HPX: variants seen among roughly 807,000 people sequenced by gnomAD.
HPX encodes the protein hemopexin.
HPX carries 42 observed loss-of-function variants against 53.8 expected under a neutral mutation model. The observed-to-expected ratio is 0.78, with a 90% CI of 0.61 to 1.01. The LOEUF is 1.01. Among genes scored for constraint, HPX ranks in the 50% least tolerant of loss-of-function variants. The pLI, the probability that HPX is intolerant of heterozygous loss-of-function variation, is 0.00. For missense variants in HPX, 547 were observed against 594.3 expected (o/e 0.92, Z 0.83); for synonymous variants, 229 against 221.1 (o/e 1.04, Z -0.32).
rs71056749 is a variant in HPX, at chr11:6,440,567, T to TAAAAAAA, written c.143-36_143-30dup. The TAAAAAAA allele has an allele frequency of 5.9e-5, 35 of 591,190 alleles. 1 individual carries two copies. In the African/African-American group the frequency reaches 6.2e-4, roughly 10 times the overall value. The allele number at this position is 591,190 out of a possible 1,614,324, so 36.6% of individuals were successfully genotyped here. A position where few individuals can be genotyped will look rare whatever the true frequency, so the allele number is the denominator to read the frequency against. On this transcript the variant is annotated intron_variant, in intron 2 of 9. Transcript: ENST00000265983. ...GGGTGGAGGTAGGGAGATGGCAAAGTAAAAAAAAAAAAAAAAAAAAAAAAA... is the reference window on the plus strand; with the variant it reads ...GGGTGGAGGTAGGGAGATGGCAAAGTAAAAAAAAAAAAAAAAAAAAAAAAAAAAAAAA...
intron 4 of HPX, 88 bp downstream of exon 4, chr11:6,440,077 G>C (rs1849463438): frequency 6.5e-7 from 1 of 1,538,080 alleles, no homozygotes; most frequent in African/African-American, 1.4e-5. Context: ...TATTGCTATG[G>C]GCTCCATGCC....
chr11:6,433,448 A>C (rs992610788), intron 7 of HPX, among the ~76,000 whole-genome samples: 2 of 152,210 alleles, frequency 1.3e-5, no homozygotes, highest in African/African-American at 4.8e-5. Context: ...AAGTGCTAGG[A>C]TTACAGGCGT....
chr11:6,437,018 C>A (rs759820530), intron 7 of HPX, 28 bp downstream of exon 7: 1 of 1,611,620 alleles, frequency 6.2e-7, no homozygotes, highest in South Asian at 1.1e-5. Flanking sequence ...TGTGAGAGCA[C>A]ATTGGGGGAG....
intron 7 of HPX, chr11:6,432,280 A>G: frequency 3.9e-6 from 2 of 515,492 alleles, no homozygotes; most frequent in South Asian, 4.4e-5. Context: ...TAAGGCCAAC[A>G]TCATGGGGTT....
In HPX at chr11:6,437,195, T is replaced by G. The variant is rs775560711; in HGVS notation, c.704-18A>C. The G allele has an allele frequency of 6.2e-7, 1 of 1,608,092 alleles. No individual in the cohort carries two copies. The highest frequency in any genetic ancestry group is 1.1e-5 in the South Asian group (1 of 90,480). On this transcript the variant is annotated intron_variant, in intron 6 of 9. Transcript: ENST00000265983. ...TCCATGGCCTGGAGAGAGAAATGGG[T>G]GAGGAGAACACAGAAGGAGGCCAGA...
At chr11:6,435,369 T>C (rs1849402230) in intron 7 of HPX, among the ~76,000 whole-genome samples, 1 of 152,150 alleles carries the variant, frequency 6.6e-6, no homozygotes, top group South Asian at 2.1e-4. Flanking sequence ...AGCTGGGTCA[T>C]GTTGGTGATT....
At position 6,440,567 on chromosome 11, in the gene HPX, TAAAAAAAAAAAAAAAAA is replaced by T. The variant is rs71056749; in HGVS notation, c.143-46_143-30del. On this transcript the variant is annotated intron_variant, in intron 2 of 9. Coordinates refer to ENST00000265983, the MANE Select transcript of HPX (RefSeq NM_000613.3). ...GGGTGGAGGTAGGGAGATGGCAAAG[TAAAAAAAAAAAAAAAAA>T]AAAAAAAAAAAAAAAAAAACCAGAA... 5.4e-4 allele frequency: 321 copies of T among 590,732 alleles called. 5 individuals carry two copies. Among genetic ancestry groups the T allele is most frequent in the Middle Eastern group, 9.7e-4 (2 of 2,054 alleles). The allele number at this position is 590,732 out of a possible 1,614,324, so 36.6% of individuals were successfully genotyped here. A position where few individuals can be genotyped will look rare whatever the true frequency, so the allele number is the denominator to read the frequency against.
chr11:6,433,188 T>C (rs767547332), intron 7 of HPX, among the ~76,000 whole-genome samples: 7 of 152,350 alleles, frequency 4.6e-5, no homozygotes, highest in African/African-American at 1.2e-4. Flanking sequence ...TTCATTCATT[T>C]ATTTAGAGAC....
At chr11:6,438,729 C>G (rs1038352518) in intron 4 of HPX, among the ~76,000 whole-genome samples, 26 of 152,208 alleles carry the variant, frequency 1.7e-4, no homozygotes, top group African/African-American at 6.3e-4. Flanking sequence ...GCCTCTAGCT[C>G]TGTACCCAGA....
Position 6,432,037 on chromosome 11 carries a change from G to C in HPX, c.836-20C>G. 6.2e-7 allele frequency: 1 copy of C among 1,613,630 alleles called. No homozygotes were observed. The highest frequency in any genetic ancestry group is 8.5e-7 in the Non-Finnish European group (1 of 1,179,790). The stretch of plus-strand genomic sequence containing the variant: ...GGGTCCCTGTGGAATACCATAGGTT[G>C]CTCTAGGGCCGCTGGCAGAAGCCCA... On this transcript the variant is annotated intron_variant, in intron 7 of 9. Transcript: ENST00000265983.
intron 5 of HPX, chr11:6,438,084 T>A: frequency 1.9e-6 from 1 of 528,180 alleles, no homozygotes; most frequent in Non-Finnish European, 3.4e-6. Context: ...GAGAGACTTG[T>A]ATGTAAGACT....
Position 6,431,394 on chromosome 11 carries a change from C to T in HPX, c.1206G>A (p.Lys402=). 2 of 1,614,260 alleles carry T rather than the reference C, an allele frequency of 1.2e-6. No individual in the cohort carries two copies. The highest frequency in any genetic ancestry group is 1.7e-6 in the Non-Finnish European group (2 of 1,180,050). ...TTTCCATACACAAGGCTCCGTCTAC[C>T]TTCTCATGGGGCCAAGGAAGCTCTG... The part of the protein sequence containing the change: ...TWTELPWPHE[K]VDGALCMEKS... Residue 402 remains lysine, a synonymous_variant, in exon 10 of 10, where the codon AAG becomes AAA. Coordinates refer to ENST00000265983, the MANE Select transcript of HPX (RefSeq NM_000613.3).
rs1021108870 is a variant in HPX at position 6,431,712 on chromosome 11, T to C, written c.1058A>G (p.His353Arg). Residue 353 changes from histidine (H) to arginine (R), a missense_variant, in exon 9 of 10, where the codon CAT becomes CGT. Transcript: ENST00000265983. Reference sequence around the variant, plus strand: ...ATCCACAGAGTCCAGGATAATCCCATGAGGGGTCCCGACTTCCTTCTCCAG... The same window carrying C: ...ATCCACAGAGTCCAGGATAATCCCACGAGGGGTCCCGACTTCCTTCTCCAG... ...KRLEKEVGTPHGIILDSVDAA... is the reference protein window; with the variant it reads ...KRLEKEVGTPRGIILDSVDAA... 1.1e-5 allele frequency: 17 copies of C among 1,614,200 alleles called. No homozygotes were observed. The highest frequency in any genetic ancestry group is 1.3e-5 in the Non-Finnish European group (15 of 1,180,026).
rs1849378894 is a variant in HPX, at chr11:6,433,636, C to T, written c.836-1619G>A. On this transcript the variant is annotated intron_variant, in intron 7 of 9. Coordinates refer to ENST00000265983, the MANE Select transcript of HPX (RefSeq NM_000613.3). ...TGGATTCCTTGCTTACATGCTTGTA[C>T]TTTTATAACTTATGTTCTGCAAAAA... is the stretch of plus-strand genomic sequence containing the variant. 2.0e-5 allele frequency among the ~76,000 whole-genome samples: 3 copies of T among 152,228 alleles called. No individual in the cohort carries two copies. The South Asian group carries it at 6.2e-4, about 32-fold the overall frequency.
chr11:6,439,847 T>C (rs1039793927), intron 4 of HPX: 2 of 382,656 alleles, frequency 5.2e-6, no homozygotes, highest in South Asian at 4.3e-5. Flanking sequence ...CCTTGCCCTA[T>C]GAAGAGGACT....
At chr11:6,432,292 G>A in intron 7 of HPX, 3 of 487,796 alleles carry the variant, frequency 6.2e-6, no homozygotes, top group Non-Finnish European at 1.1e-5. Flanking sequence ...CATGGGGTTG[G>A]CGGGCACTCC....
At chr11:6,440,033 G>C (rs1056004290) in intron 4 of HPX, 132 bp downstream of exon 4, 9 of 1,184,364 alleles carry the variant, frequency 7.6e-6, no homozygotes, top group Non-Finnish European at 1.1e-5. Flanking sequence ...GCTTTTACAG[G>C]AAAGGAGGGC....
intron 9 of HPX, 59 bp from the exon 10 acceptor site, chr11:6,431,529 C>T (rs1849348168): frequency 1.2e-6 from 2 of 1,608,874 alleles, no homozygotes; most frequent in African/African-American, 1.3e-5. Context: ...CTGACCTAGG[C>T]CTTCTCATGC....
chr11:6,437,341 G>A (rs764628669), intron 6 of HPX, 99 bp downstream of exon 6: 30 of 1,374,074 alleles, frequency 2.2e-5, no homozygotes, highest in East Asian at 2.1e-4. Context: ...CCAAGGTGTC[G>A]CAACACGGAG....
Sources: allele counts gnomAD v4.1 joint callset (sites outside exome capture counted in the v4.1 genomes callset), GRCh38; gene constraint gnomAD v4.1.1; transcripts MANE v1.5; gene names NCBI Gene and HGNC (gene_info 2026-07-23, HGNC 2026-07-21).